GALNT13: variants seen among roughly 807,000 people sequenced by gnomAD.
The protein encoded by GALNT13 is polypeptide N-acetylgalactosaminyltransferase 13.
GALNT13 carries 28 observed loss-of-function variants against 64.2 expected under a neutral mutation model. That is an observed-to-expected ratio of 0.44 (90% CI 0.32 to 0.60). GALNT13 has a LOEUF of 0.60. GALNT13 is among the 20% of genes least tolerant of loss of function. The pLI is 0.05. For synonymous variants in GALNT13, 214 were observed against 224.6 expected (o/e 0.95, Z 0.42); for missense variants, 577 against 669.8 (o/e 0.86, Z 1.53).
At chr2:153,456,446 T>C in the GALNT13 span, among the ~76,000 whole-genome samples, 3 of 152,288 alleles carry the variant, frequency 2.0e-5, no homozygotes, top group East Asian at 3.9e-4. Flanking sequence ...TGTGCTAATA[T>C]GTGGCTGAGC....
At chr2:154,404,809 G>C (rs1414627107) in intron 10 of GALNT13, among the ~76,000 whole-genome samples, 1 of 152,048 alleles carries the variant, frequency 6.6e-6, no homozygotes, top group Non-Finnish European at 1.5e-5. Context: ...ATGGGGTCAG[G>C]AGGTCTCAAG....
the GALNT13 span, among the ~76,000 whole-genome samples, chr2:153,586,451 G>A: frequency 6.6e-6 from 1 of 152,120 alleles, no homozygotes; most frequent in Non-Finnish European, 1.5e-5. Context: ...GAAAGACAAA[G>A]AAGGTCATTA....
At chr2:154,299,344 G>A (rs1003566278) in intron 8 of GALNT13, among the ~76,000 whole-genome samples, 25 of 151,738 alleles carry the variant, frequency 1.6e-4, no homozygotes, top group African/African-American at 2.4e-5. Context: ...ATAGGATAGC[G>A]ATTAACTGCC....
chr2:153,086,367 G>A, the GALNT13 span, among the ~76,000 whole-genome samples: 1 of 152,188 alleles, frequency 6.6e-6, no homozygotes, highest in Non-Finnish European at 1.5e-5. Flanking sequence ...GTTTGGCTAT[G>A]TCCCCACCCA....
At chr2:153,439,974 A>G in the GALNT13 span, among the ~76,000 whole-genome samples, 2 of 152,008 alleles carry the variant, frequency 1.3e-5, no homozygotes, top group Non-Finnish European at 2.9e-5. Flanking sequence ...TATACTTTTT[A>G]AAACATACTT....
the GALNT13 span, among the ~76,000 whole-genome samples, chr2:153,556,792 T>G: frequency 6.6e-6 from 1 of 152,240 alleles, no homozygotes; most frequent in African/African-American, 2.4e-5. Context: ...TAATGCAGAC[T>G]GAGGCCCTGT....
the GALNT13 span, among the ~76,000 whole-genome samples, chr2:153,259,617 C>A: frequency 3.3e-4 from 50 of 152,160 alleles, 1 homozygote; most frequent in East Asian, 8.5e-3. Context: ...CTTATGAGAT[C>A]TATTGGTTTT....
At chr2:153,284,204 T>TAC in the GALNT13 span, among the ~76,000 whole-genome samples, 1 of 152,162 alleles carries the variant, frequency 6.6e-6, no homozygotes, top group East Asian at 1.9e-4. Flanking sequence ...CACCCAGCAA[T>TAC]ACACACACAC....
chr2:153,659,811 A>G, the GALNT13 span, among the ~76,000 whole-genome samples: 1 of 152,170 alleles, frequency 6.6e-6, no homozygotes. Flanking sequence ...TTTTTAAAAG[A>G]GAAAAAAGCA....
At chr2:153,414,396 A>T in the GALNT13 span, among the ~76,000 whole-genome samples, 26 of 150,850 alleles carry the variant, frequency 1.7e-4, no homozygotes, top group South Asian at 4.2e-4. Flanking sequence ...TAAAAAAAAA[A>T]TAAAATAAAA....
In GALNT13 at chr2:153,966,558, C is replaced by CG. The variant is rs1212395238; in HGVS notation, c.142+21923dup. On this transcript the variant is annotated intron_variant, in intron 3 of 12. Transcript: ENST00000392825. ...TTTTTTTTTGTATTTTTAGTAGACA[C>CG]GGGGTCTCACCGTGTTACCCAGGAT... 7.2e-5 allele frequency among the ~76,000 whole-genome samples: 11 copies of CG among 151,952 alleles called. No individual in the cohort carries two copies. The East Asian group carries it at 1.7e-3, about 24-fold the overall frequency.
chr2:153,841,969 G>C, the GALNT13 span, among the ~76,000 whole-genome samples: 431 of 152,262 alleles, frequency 2.8e-3, no homozygotes, highest in Admixed American at 5.4e-3. Flanking sequence ...AATGAGGCTA[G>C]TACTAAAATT....
intron 3 of GALNT13, among the ~76,000 whole-genome samples, chr2:154,104,265 G>A (rs1702496767): frequency 6.6e-6 from 1 of 152,094 alleles, no homozygotes; most frequent in Non-Finnish European, 1.5e-5. Flanking sequence ...AATGGCCAGG[G>A]GAAGAACCTC....
At chr2:153,366,294 T>C in the GALNT13 span, among the ~76,000 whole-genome samples, 2 of 151,910 alleles carry the variant, frequency 1.3e-5, no homozygotes, top group Non-Finnish European at 2.9e-5. Flanking sequence ...AATGCATGCA[T>C]GATTTAAAAC....
chr2:153,114,940 C>G, the GALNT13 span, among the ~76,000 whole-genome samples: 3 of 152,076 alleles, frequency 2.0e-5, no homozygotes, highest in African/African-American at 7.2e-5. Flanking sequence ...AAATACAAAC[C>G]ATGTGACTTT....
At chr2:153,594,535 T>G in the GALNT13 span, among the ~76,000 whole-genome samples, 4 of 152,092 alleles carry the variant, frequency 2.6e-5, no homozygotes, top group Non-Finnish European at 2.9e-5. Flanking sequence ...TCATTTTTTT[T>G]GTAATCTTAT....
the GALNT13 span, among the ~76,000 whole-genome samples, chr2:153,652,711 C>T: frequency 6.6e-6 from 1 of 152,140 alleles, no homozygotes; most frequent in Non-Finnish European, 1.5e-5. Context: ...AATGCAAAAT[C>T]TCACCAGTTT....
At chr2:153,383,991 GT>G in the GALNT13 span, among the ~76,000 whole-genome samples, 34 of 138,318 alleles carry the variant, frequency 2.5e-4, no homozygotes, top group East Asian at 6.2e-3. Flanking sequence ...TGGGGCAGAA[GT>G]TTTGAATTCA....
chr2:153,815,364 C>T, the GALNT13 span, among the ~76,000 whole-genome samples: 2 of 152,256 alleles, frequency 1.3e-5, no homozygotes, highest in East Asian at 3.9e-4. Flanking sequence ...CACATTGTTG[C>T]ATATAAACCT....
Sources: allele counts gnomAD v4.1 joint callset (sites outside exome capture counted in the v4.1 genomes callset), GRCh38; gene constraint gnomAD v4.1.1; transcripts MANE v1.5; gene names NCBI Gene and HGNC (gene_info 2026-07-23, HGNC 2026-07-21).